Variants in MAPK10 observed in about 807,000 individuals in gnomAD.
MAPK10 encodes JNK3 alpha protein kinase.
A neutral mutation model predicts 59.3 loss-of-function variants in MAPK10; 25 were observed. The observed-to-expected ratio is 0.42, with a 90% CI of 0.31 to 0.59. MAPK10 has a LOEUF of 0.59. Among genes scored for constraint, MAPK10 ranks in the 20% least tolerant of loss-of-function variants. MAPK10 has a pLI of 0.15. For synonymous variants in MAPK10, 190 were observed against 200.5 expected (o/e 0.95, Z 0.44); for missense variants, 351 against 568.9 (o/e 0.62, Z 3.90).
intron 1 of MAPK10, chr4:86,593,768 G>T (rs1218806023): frequency 6.6e-6 from 1 of 152,114 alleles, no homozygotes; most frequent in African/African-American, 2.4e-5. Flanking sequence ...TTTCTAAGTT[G>T]CTATATTGCT....
At chr4:86,487,727 T>A (rs1754116993) in intron 1 of MAPK10, among the ~76,000 whole-genome samples, 1 of 124,462 alleles carries the variant, frequency 8.0e-6, no homozygotes, top group Admixed American at 8.8e-5. Flanking sequence ...CGAGACTCTG[T>A]CTCAAAAAAA....
At chr4:86,507,778 T>C (rs1046022020) in intron 1 of MAPK10, among the ~76,000 whole-genome samples, 1 of 149,548 alleles carries the variant, frequency 6.7e-6, no homozygotes, top group Non-Finnish European at 1.5e-5. Context: ...ATGGAGCCAC[T>C]TGTGTTAAAA....
At chr4:86,183,733 T>C (rs528759319) in intron 3 of MAPK10, among the ~76,000 whole-genome samples, 1 of 152,338 alleles carries the variant, frequency 6.6e-6, no homozygotes, top group South Asian at 2.1e-4. Context: ...CCACAATGGC[T>C]GAACTAGTTT....
intron 4 of MAPK10, among the ~76,000 whole-genome samples, chr4:86,140,830 T>C (rs144520304): frequency 3.9e-5 from 6 of 152,236 alleles, no homozygotes; most frequent in Non-Finnish European, 8.8e-5. Context: ...GCTAGAGACT[T>C]AGTAATTACT....
At chr4:86,585,192 G>A (rs1762577236) in intron 1 of MAPK10, among the ~76,000 whole-genome samples, 1 of 152,052 alleles carries the variant, frequency 6.6e-6, no homozygotes, top group African/African-American at 2.4e-5. Flanking sequence ...ATCATTAGAA[G>A]GGTAAAAAGT....
intron 2 of MAPK10, among the ~76,000 whole-genome samples, chr4:86,351,974 A>G (rs1731778660): frequency 6.6e-6 from 1 of 152,246 alleles, no homozygotes; most frequent in Non-Finnish European, 1.5e-5. Flanking sequence ...ATTAGTAATC[A>G]GCAAAATGCA....
intron 1 of MAPK10, among the ~76,000 whole-genome samples, chr4:86,410,777 T>A (rs1039864114): frequency 9.9e-5 from 15 of 152,044 alleles, no homozygotes; most frequent in Non-Finnish European, 2.1e-4. Context: ...ATTGTGTCTA[T>A]TTTGATTCTT....
At chr4:86,060,065 A>C (rs529189587) in intron 11 of MAPK10, among the ~76,000 whole-genome samples, 14 of 152,188 alleles carry the variant, frequency 9.2e-5, no homozygotes, top group Non-Finnish European at 1.3e-4. Flanking sequence ...CCTTCAACAC[A>C]ATGGTCTATC....
At chr4:86,522,020 G>C (rs546148528) in intron 1 of MAPK10, among the ~76,000 whole-genome samples, 2 of 152,288 alleles carry the variant, frequency 1.3e-5, no homozygotes, top group South Asian at 2.1e-4. Context: ...AGTGCCTACA[G>C]GGCTCTTCAC....
intron 2 of MAPK10, among the ~76,000 whole-genome samples, chr4:86,246,413 A>G (rs566032713): frequency 2.3e-3 from 350 of 152,340 alleles, no homozygotes; most frequent in African/African-American, 7.7e-3. Context: ...CCTGGGCAGC[A>G]GAGCAAGACT....
chr4:86,046,221 T>C (rs1221000963), intron 11 of MAPK10, among the ~76,000 whole-genome samples: 1 of 151,730 alleles, frequency 6.6e-6, no homozygotes, highest in Non-Finnish European at 1.5e-5. Context: ...TGATGGGGTT[T>C]TCTAAATATG....
chr4:86,332,952 C>A (rs1490139787), intron 2 of MAPK10, among the ~76,000 whole-genome samples: 1 of 152,064 alleles, frequency 6.6e-6, no homozygotes, highest in Non-Finnish European at 1.5e-5. Context: ...TGTATGGCTG[C>A]GGAGTTTTGT....
At chr4:86,052,980 C>CT (rs982943891) in intron 11 of MAPK10, among the ~76,000 whole-genome samples, 25 of 151,894 alleles carry the variant, frequency 1.6e-4, no homozygotes, top group African/African-American at 5.6e-4. Flanking sequence ...GCCACTGTGC[C>CT]TGGAGGGTAT....
intron 1 of MAPK10, among the ~76,000 whole-genome samples, chr4:86,556,156 G>C (rs1316136407): frequency 6.6e-6 from 1 of 152,128 alleles, no homozygotes; most frequent in Admixed American, 6.5e-5. Flanking sequence ...AGAAGGATGG[G>C]AACAATTCAT....
intron 3 of MAPK10, among the ~76,000 whole-genome samples, chr4:86,184,202 T>C (rs2077606206): frequency 1.3e-5 from 2 of 152,210 alleles, no homozygotes; most frequent in East Asian, 3.9e-4. Context: ...GTTTTAGACA[T>C]GAAGTCCTTG....
intron 13 of MAPK10, chr4:86,024,118 T>C (rs1158533671): frequency 6.6e-6 from 1 of 152,024 alleles, no homozygotes; most frequent in Non-Finnish European, 1.5e-5. Context: ...CACATTCTTA[T>C]TGTCACAATT....
chr4:86,349,094 G>GA (rs1376637174), intron 2 of MAPK10, among the ~76,000 whole-genome samples: 1 of 152,002 alleles, frequency 6.6e-6, no homozygotes, highest in African/African-American at 2.4e-5. Flanking sequence ...GCAAATTTTG[G>GA]AAAAATTTAC....
At chr4:86,147,740 A>G in intron 4 of MAPK10, among the ~76,000 whole-genome samples, 1 of 152,344 alleles carries the variant, frequency 6.6e-6, no homozygotes, top group East Asian at 1.9e-4. Flanking sequence ...ATAAATTGGT[A>G]TAGTATTTAA....
At chr4:86,134,047 A>G (rs1425437377) in intron 4 of MAPK10, among the ~76,000 whole-genome samples, 1 of 152,222 alleles carries the variant, frequency 6.6e-6, no homozygotes, top group African/African-American at 2.4e-5. Flanking sequence ...CCAACTGCTT[A>G]CACCTTCACA....
Sources: gnomAD v4.1 joint callset for allele counts (sites outside exome capture counted in the v4.1 genomes callset) on GRCh38, gnomAD v4.1.1 for gene constraint, MANE v1.5 for transcripts, NCBI Gene and HGNC (gene_info 2026-07-23, HGNC 2026-07-21) for gene names.